Variants in DLGAP2 observed in about 807,000 individuals in gnomAD.
DLGAP2 encodes the protein DLG associated protein 2.
A neutral mutation model predicts 100.3 loss-of-function variants in DLGAP2; 26 were observed. That is an observed-to-expected ratio of 0.26 (90% CI 0.19 to 0.36). The LOEUF is 0.36. DLGAP2 is among the 10% of genes least tolerant of loss of function. DLGAP2 has a pLI of 1.00. For missense variants in DLGAP2, 1,858 were observed against 1,453.2 expected (o/e 1.28, Z -4.53); for synonymous variants, 886 against 630.1 (o/e 1.41, Z -6.08).
chr8:795,619 C>CCAGTGAGAGCAGGTGTT (rs1796009795), intron 1 of DLGAP2, among the ~76,000 whole-genome samples: 1 of 150,722 alleles, frequency 6.6e-6, no homozygotes, highest in Non-Finnish European at 1.5e-5. Flanking sequence ...GAGCAGGTGT[C>CCAGTGAGAGCAGGTGTT]CAGTGAGAGC....
intron 4 of DLGAP2, among the ~76,000 whole-genome samples, chr8:1,517,577 G>C (rs368926416): frequency 2.1e-4 from 32 of 152,298 alleles, no homozygotes; most frequent in African/African-American, 7.2e-4. Context: ...CTCCGAGTCA[G>C]TGCTCTCCCC....
At chr8:879,294 T>A (rs1797740826) in intron 1 of DLGAP2, among the ~76,000 whole-genome samples, 3 of 152,250 alleles carry the variant, frequency 2.0e-5, no homozygotes, top group African/African-American at 7.2e-5. Context: ...TGAAGACCAT[T>A]CCCCGGAGAA....
chr8:1,010,403 TAC>T (rs1356847622), intron 2 of DLGAP2, among the ~76,000 whole-genome samples: 1 of 152,214 alleles, frequency 6.6e-6, no homozygotes, highest in Admixed American at 6.5e-5. Context: ...CACAGTTTTA[TAC>T]ACACATACAC....
chr8:817,609 T>C (rs1336287062), intron 1 of DLGAP2, among the ~76,000 whole-genome samples: 3 of 152,202 alleles, frequency 2.0e-5, no homozygotes, highest in African/African-American at 7.2e-5. Flanking sequence ...AGAGGGAAGA[T>C]CTGGGATTCA....
intron 3 of DLGAP2, among the ~76,000 whole-genome samples, chr8:1,377,691 T>C (rs1490756599): frequency 2.0e-5 from 3 of 152,226 alleles, no homozygotes; most frequent in African/African-American, 7.2e-5. Flanking sequence ...TGGGGGTCAG[T>C]GGATCTGAGT....
chr8:1,701,323 G>C lies in DLGAP2; in HGVS notation c.3085G>C (p.Ala1029Pro). ...GAGGCGCCTCATGGCCGCCAAGCGA[G>C]CGGCGTCCTTCCGGCAGAATTCCGC... ...ARRRLMAAKR[A>P]ASFRQNSASE... The change falls in exon 15 of 15, where the codon GCG becomes CCG. Residue 1029 changes from alanine to proline, a missense_variant. Physicochemically the swap from Ala to Pro is conservative, Grantham distance 27 (BLOSUM62 -1). Coordinates refer to ENST00000637795, the MANE Select transcript of DLGAP2 (RefSeq NM_001346810.2). The C allele has an allele frequency of 6.3e-7, 1 of 1,589,958 alleles. No individual in the cohort carries two copies. Among genetic ancestry groups the C allele is most frequent in the Non-Finnish European group, 8.6e-7 (1 of 1,168,992 alleles).
At position 960,235 on chromosome 8, in the gene DLGAP2, A is replaced by ATTTTTTTTTTTTTTTTTTTTT. The variant is rs1209692955; in HGVS notation, c.73+52270_73+52271insTTTTTTTTTTTTTTTTTTTTT. ...TTTTGGGCAATTATTCCTGAAGTAT[A>ATTTTTTTTTTTTTTTTTTTTT]TCTTTTTTTTTTTTTTTCCCGAGAC... On this transcript the variant is annotated intron_variant, in intron 2 of 14. Coordinates refer to ENST00000637795, the MANE Select transcript of DLGAP2 (RefSeq NM_001346810.2). Among the ~76,000 whole-genome samples, 16 of 8,324 alleles carry ATTTTTTTTTTTTTTTTTTTTT rather than the reference A, an allele frequency of 1.9e-3. 1 individual carries two copies. Among genetic ancestry groups the ATTTTTTTTTTTTTTTTTTTTT allele is most frequent in the East Asian group, 4.3e-3 (1 of 234 alleles). 5.5% of individuals were successfully genotyped at this position (8,324 alleles called of 152,430 possible).
chr8:1,597,657 T>C (rs911678832), intron 6 of DLGAP2, among the ~76,000 whole-genome samples: 10 of 152,222 alleles, frequency 6.6e-5, no homozygotes, highest in Non-Finnish European at 1.3e-4. Context: ...ACTCATGATT[T>C]GGCTCTCTGT....
chr8:1,287,265 C>CGTGTGTGT (rs1169216188), intron 3 of DLGAP2, among the ~76,000 whole-genome samples: 2 of 32,490 alleles, frequency 6.2e-5, no homozygotes, highest in Admixed American at 4.6e-4. Flanking sequence ...TTTAGTTCAG[C>CGTGTGTGT]GTGTGTGTGT....
chr8:1,324,569 A>G (rs182177234), intron 3 of DLGAP2, among the ~76,000 whole-genome samples: 1 of 152,282 alleles, frequency 6.6e-6, no homozygotes, highest in African/African-American at 2.4e-5. Flanking sequence ...ACAGTGTTAC[A>G]TCCATTCTCC....
In DLGAP2 at chr8:1,513,675, C is replaced by G. The variant is rs185526082; in HGVS notation, c.172+12244C>G. Among the ~76,000 whole-genome samples, 497 of 152,338 alleles carry G rather than the reference C, an allele frequency of 3.3e-3. 5 individuals are homozygous for G. Among genetic ancestry groups the G allele is most frequent in the South Asian group, 0.03 (144 of 4,824 alleles). Reference sequence around the variant, plus strand: ...AAGCTCGTTGGGAACTGCAGCTTTTCTCAGTAAAAGCTTCCTAATCATATG... The same window carrying G: ...AAGCTCGTTGGGAACTGCAGCTTTTGTCAGTAAAAGCTTCCTAATCATATG... On this transcript the variant is annotated intron_variant, in intron 4 of 14. Transcript: ENST00000637795.
chr8:853,539 G>A (rs904027579), intron 1 of DLGAP2, among the ~76,000 whole-genome samples: 36 of 152,156 alleles, frequency 2.4e-4, no homozygotes, highest in African/African-American at 8.7e-4. Context: ...CAAGTTCTCA[G>A]ATGAAGCCCA....
chr8:1,546,855 G>A (rs1000126786), intron 4 of DLGAP2, among the ~76,000 whole-genome samples: 10 of 152,134 alleles, frequency 6.6e-5, no homozygotes, highest in African/African-American at 2.2e-4. Flanking sequence ...GCAGGAATTC[G>A]TTCCGGGATC....
At chr8:1,217,719 C>G (rs1798241305) in intron 2 of DLGAP2, among the ~76,000 whole-genome samples, 1 of 151,872 alleles carries the variant, frequency 6.6e-6, no homozygotes, top group South Asian at 2.1e-4. Flanking sequence ...ATTTATATTC[C>G]CACCAGTAGT....
intron 2 of DLGAP2, among the ~76,000 whole-genome samples, chr8:1,181,508 A>T (rs1252983341): frequency 6.6e-6 from 1 of 152,036 alleles, no homozygotes; most frequent in Non-Finnish European, 1.5e-5. Context: ...ACTGACAGGC[A>T]CCGAGAGGGA....
chr8:861,352 G>A (rs776727667), intron 1 of DLGAP2, among the ~76,000 whole-genome samples: 2 of 152,102 alleles, frequency 1.3e-5, no homozygotes, highest in Admixed American at 6.5e-5. Context: ...GTGTCTGCAC[G>A]GGGTCCTGGA....
At chr8:1,510,997 A>G (rs1010155165) in intron 4 of DLGAP2, among the ~76,000 whole-genome samples, 3 of 152,242 alleles carry the variant, frequency 2.0e-5, no homozygotes. Flanking sequence ...TAAATCTGTG[A>G]GAATGTTCCA....
intron 2 of DLGAP2, among the ~76,000 whole-genome samples, chr8:954,379 G>C (rs925176460): frequency 1.3e-5 from 2 of 152,154 alleles, no homozygotes; most frequent in African/African-American, 4.8e-5. Flanking sequence ...GCCCCTAGGA[G>C]AAACTCTTAT....
In DLGAP2 at chr8:1,043,041, T is replaced by C. The variant is rs528107350; in HGVS notation, c.73+135075T>C. ...GGGTGTGGGTGGTGGATGTGGGTGG[T>C]GGATGTGGCTGGCAGGTGGTGGATG... On this transcript the variant is annotated intron_variant, in intron 2 of 14. Coordinates refer to ENST00000637795, the MANE Select transcript of DLGAP2 (RefSeq NM_001346810.2). 9.1e-3 allele frequency among the ~76,000 whole-genome samples: 1,256 copies of C among 137,306 alleles called. 41 individuals are homozygous for C. The highest frequency in any genetic ancestry group is 0.033 in the African/African-American group (1,167 of 35,380). The allele number at this position is 137,306 out of a possible 152,430, so 90.1% of individuals were successfully genotyped here. A position where few individuals can be genotyped will look rare whatever the true frequency, so the allele number is the denominator to read the frequency against.
Sources: gnomAD v4.1 joint callset for allele counts (sites outside exome capture counted in the v4.1 genomes callset) on GRCh38, gnomAD v4.1.1 for gene constraint, MANE v1.5 for transcripts, NCBI Gene and HGNC (gene_info 2026-07-23, HGNC 2026-07-21) for gene names.